TIAM2: variants seen among roughly 807,000 people sequenced by gnomAD.
TIAM2 encodes TIAM Rac1 associated GEF 2, also known as rho guanine nucleotide exchange factor TIAM2.
A neutral mutation model predicts 152.9 loss-of-function variants in TIAM2; 80 were observed. The observed-to-expected ratio is 0.52, with a 90% CI of 0.44 to 0.63. The LOEUF is 0.63. TIAM2 is among the 30% of genes least tolerant of loss of function. The probability of loss-of-function intolerance (pLI) is 0.00; values close to 1 mark genes in which losing one functional copy is unlikely to be tolerated. For synonymous variants in TIAM2, 804 were observed against 838.0 expected (o/e 0.96, Z 0.70); for missense variants, 1,965 against 2,120.1 (o/e 0.93, Z 1.44).
intron 7 of TIAM2, among the ~76,000 whole-genome samples, chr6:155,155,344 T>G (rs898486660): frequency 2.0e-5 from 3 of 152,028 alleles, no homozygotes; most frequent in African/African-American, 7.2e-5. Flanking sequence ...GTCCTGGTAA[T>G]TTTTGTATTT....
At chr6:155,097,397 A>G (rs1036209152) in intron 2 of TIAM2, among the ~76,000 whole-genome samples, 1 of 152,072 alleles carries the variant, frequency 6.6e-6, no homozygotes, top group Admixed American at 6.6e-5. Context: ...ACTGGAGTGC[A>G]TTGGTGCAAT....
chr6:155,046,045 G>A (rs765494342), intron 1 of TIAM2, among the ~76,000 whole-genome samples: 1 of 151,610 alleles, frequency 6.6e-6, no homozygotes. Context: ...CTGCCCCACT[G>A]CCTGCTCCCA....
At chr6:155,132,984 C>T (rs956607992) in intron 4 of TIAM2, among the ~76,000 whole-genome samples, 1 of 152,206 alleles carries the variant, frequency 6.6e-6, no homozygotes, top group African/African-American at 2.4e-5. Context: ...CGTCTCCTAC[C>T]CACGGGAACT....
intron 1 of TIAM2, among the ~76,000 whole-genome samples, chr6:155,078,338 G>A (rs925311428): frequency 3.3e-5 from 5 of 152,084 alleles, no homozygotes; most frequent in Non-Finnish European, 7.4e-5. Context: ...GAGCCACTGC[G>A]CCCAGCCTCG....
At chr6:155,104,568 T>C (rs533299586) in intron 2 of TIAM2, among the ~76,000 whole-genome samples, 253 of 152,082 alleles carry the variant, frequency 1.7e-3, no homozygotes, top group Non-Finnish European at 2.4e-3. Context: ...CCATCCTGGC[T>C]AACACAGTGA....
At chr6:155,110,278 C>T (rs1778806495) in intron 2 of TIAM2, among the ~76,000 whole-genome samples, 1 of 151,572 alleles carries the variant, frequency 6.6e-6, no homozygotes, top group Non-Finnish European at 1.5e-5. Flanking sequence ...TTCCTTTCCT[C>T]CCTTTGTCCA....
chr6:155,203,565 TA>T (rs1781530097), intron 14 of TIAM2, among the ~76,000 whole-genome samples: 1 of 152,234 alleles, frequency 6.6e-6, no homozygotes, highest in African/African-American at 2.4e-5. Flanking sequence ...GTGGATTATG[TA>T]GTTGAAAACT....
At chr6:155,126,856 C>G (rs979820148) in intron 2 of TIAM2, among the ~76,000 whole-genome samples, 1 of 151,756 alleles carries the variant, frequency 6.6e-6, no homozygotes, top group Non-Finnish European at 1.5e-5. Flanking sequence ...TAAGGCCTCA[C>G]CCCTCTGCTT....
rs900626602 is a variant in TIAM2 at position 155,186,326 on chromosome 6, GT to G, written c.3064+2827del. On this transcript the variant is annotated intron_variant, in intron 14 of 26. Transcript: ENST00000682666. The surrounding 1 kb of genome is among the most constrained non-coding windows in gnomAD (Gnocchi z 4.5). ...CTGGTGGAAACGGTTCTGAGGTGCA[GT>G]CTACACAGCTCTGCAGATGGGCCCT... is the stretch of plus-strand genomic sequence containing the variant. 6.6e-6 allele frequency among the ~76,000 whole-genome samples: 1 copy of G among 152,122 alleles called. No homozygotes were observed. The highest frequency in any genetic ancestry group is 2.4e-5 in the African/African-American group (1 of 41,422).
intron 1 of TIAM2, among the ~76,000 whole-genome samples, chr6:155,048,910 C>T (rs757043425): frequency 7.9e-5 from 12 of 151,820 alleles, no homozygotes; most frequent in African/African-American, 2.9e-4. Flanking sequence ...AAGCAATTCT[C>T]CTGCCTCAGC....
At chr6:155,101,030 A>G (rs1428759123) in intron 2 of TIAM2, among the ~76,000 whole-genome samples, 1 of 152,164 alleles carries the variant, frequency 6.6e-6, no homozygotes, top group Non-Finnish European at 1.5e-5. Flanking sequence ...TTTCAGCATC[A>G]CACGTGGGAG....
chr6:155,056,149 G>C (rs1024478608), intron 1 of TIAM2, among the ~76,000 whole-genome samples: 1 of 148,330 alleles, frequency 6.7e-6, no homozygotes. Context: ...GGTTCTAATG[G>C]ATCTCCTTAT....
chr6:155,240,779 C>T (rs376938005), intron 16 of TIAM2, 70 bp downstream of exon 16: 3 of 1,491,072 alleles, frequency 2.0e-6, no homozygotes, highest in Non-Finnish European at 1.8e-6. Flanking sequence ...TGGCAGAGGT[C>T]CCCAGATCAC....
chr6:155,207,242 C>T (rs1464780815), intron 14 of TIAM2, among the ~76,000 whole-genome samples: 1 of 152,208 alleles, frequency 6.6e-6, no homozygotes, highest in Non-Finnish European at 1.5e-5. Flanking sequence ...TTTTTAAAGC[C>T]AGTCTTCTAT....
intron 1 of TIAM2, among the ~76,000 whole-genome samples, chr6:155,050,324 C>G (rs1476294012): frequency 6.6e-6 from 1 of 152,110 alleles, no homozygotes; most frequent in Admixed American, 6.6e-5. Flanking sequence ...CCACAACTGG[C>G]CTCAGTATAT....
At chr6:155,077,778 C>T (rs1349923142) in intron 1 of TIAM2, among the ~76,000 whole-genome samples, 4 of 152,046 alleles carry the variant, frequency 2.6e-5, no homozygotes, top group African/African-American at 9.7e-5. Context: ...TTTCATTTTG[C>T]AGGGGGGAAA....
chr6:155,013,542 C>T (rs528412274), intron 1 of TIAM2: 4 of 152,136 alleles, frequency 2.6e-5, no homozygotes, highest in Non-Finnish European at 4.4e-5. Context: ...ATATTGTACA[C>T]GAGGATATTG....
chr6:155,252,388 G>C (rs1284879454), intron 23 of TIAM2, among the ~76,000 whole-genome samples: 1 of 152,104 alleles, frequency 6.6e-6, no homozygotes, highest in Non-Finnish European at 1.5e-5. Flanking sequence ...AGGATCAATT[G>C]AGCCCAGGAG....
intron 2 of TIAM2, among the ~76,000 whole-genome samples, chr6:155,110,982 G>C (rs984433361): frequency 6.6e-6 from 1 of 152,064 alleles, no homozygotes; most frequent in Admixed American, 6.5e-5. Flanking sequence ...CTCTATAGTC[G>C]CAGAATTGCT....
Sources: gnomAD v4.1 joint callset for allele counts (sites outside exome capture counted in the v4.1 genomes callset) on GRCh38, gnomAD v4.1.1 for gene constraint, Gnocchi (gnomAD v3.1) non-coding constraint, MANE v1.5 for transcripts, NCBI Gene and HGNC (gene_info 2026-07-23, HGNC 2026-07-21) for gene names.